The following PPP3CA variants were observed in gnomAD, a reference collection of about 807,000 sequenced individuals.
The protein encoded by PPP3CA is protein phosphatase 3 catalytic subunit alpha, also known as CAM-PRP catalytic subunit.
Under a neutral mutation model 66.5 loss-of-function variants are expected in PPP3CA, and 14 were observed. The observed-to-expected ratio is 0.21, with a 90% confidence interval of 0.14 to 0.33. PPP3CA has a LOEUF of 0.33. PPP3CA is among the 10% of genes least tolerant of loss of function. The pLI is 1.00. For missense variants in PPP3CA, 317 were observed against 639.5 expected, an observed-to-expected ratio of 0.50 and a Z score of 5.44; for synonymous variants, 232 against 226.2, an observed-to-expected ratio of 1.03 and a Z score of -0.23.
At chr4:101,173,639 C>T (rs79739132) in intron 2 of PPP3CA, among the ~76,000 whole-genome samples, 4,179 of 152,096 alleles carry the variant, frequency 0.027, 205 homozygotes, top group African/African-American at 0.095. Context: ...AACAGTTTAG[C>T]AAAGATGTCT....
chr4:101,321,041 C>T (rs1006486111), intron 1 of PPP3CA, among the ~76,000 whole-genome samples: 8 of 152,192 alleles, frequency 5.3e-5, no homozygotes, highest in African/African-American at 1.9e-4. Context: ...AAAGTCAAAT[C>T]TAACCCTTGC....
chr4:101,175,613 G>A (rs1468651790), intron 2 of PPP3CA, among the ~76,000 whole-genome samples: 5 of 152,148 alleles, frequency 3.3e-5, no homozygotes, highest in Admixed American at 1.3e-4. Flanking sequence ...AGCTATCTAC[G>A]ATACATGCAT....
At chr4:101,089,983 AAC>A (rs1456055948) in intron 6 of PPP3CA, among the ~76,000 whole-genome samples, 3 of 152,216 alleles carry the variant, frequency 2.0e-5, no homozygotes, top group Admixed American at 1.3e-4. Flanking sequence ...TAGCAAAGTA[AAC>A]ACACAAACTA....
intron 8 of PPP3CA, among the ~76,000 whole-genome samples, chr4:101,075,468 T>C (rs1729145650): frequency 6.6e-6 from 1 of 152,206 alleles, no homozygotes; most frequent in East Asian, 1.9e-4. Flanking sequence ...TCTCTACATA[T>C]GTATCTAACT....
At chr4:101,064,503 A>G (rs1204082777) in intron 8 of PPP3CA, among the ~76,000 whole-genome samples, 2 of 151,984 alleles carry the variant, frequency 1.3e-5, no homozygotes, top group Non-Finnish European at 2.9e-5. Flanking sequence ...ATTTTATATG[A>G]TATCATATGA....
chr4:101,162,933 T>G (rs1723567254), intron 2 of PPP3CA, among the ~76,000 whole-genome samples: 1 of 152,178 alleles, frequency 6.6e-6, no homozygotes, highest in African/African-American at 2.4e-5. Flanking sequence ...AAGCACTATG[T>G]TTCCCAGACT....
At chr4:101,123,484 T>C (rs1411424843) in intron 2 of PPP3CA, among the ~76,000 whole-genome samples, 1 of 152,084 alleles carries the variant, frequency 6.6e-6, no homozygotes, top group Non-Finnish European at 1.5e-5. Context: ...AAGTGAAAGA[T>C]CTATAAACTT....
intron 2 of PPP3CA, among the ~76,000 whole-genome samples, chr4:101,134,759 A>G (rs898813703): frequency 2.0e-5 from 3 of 152,228 alleles, no homozygotes; most frequent in South Asian, 4.1e-4. Context: ...AAATCATTCT[A>G]CTATAAAGAC....
At chr4:101,192,708 T>A (rs1376940680) in intron 2 of PPP3CA, among the ~76,000 whole-genome samples, 5 of 152,218 alleles carry the variant, frequency 3.3e-5, no homozygotes, top group African/African-American at 1.2e-4. Flanking sequence ...TATCATGTAA[T>A]CTGTCAATAC....
At chr4:101,148,575 T>C (rs1723039945) in intron 2 of PPP3CA, among the ~76,000 whole-genome samples, 1 of 152,188 alleles carries the variant, frequency 6.6e-6, no homozygotes, top group South Asian at 2.1e-4. Context: ...GAATAATTAA[T>C]TTACTTTTGT....
chr4:101,028,037 T>G (rs1266712263), intron 13 of PPP3CA, among the ~76,000 whole-genome samples: 4 of 152,182 alleles, frequency 2.6e-5, no homozygotes, highest in Non-Finnish European at 5.9e-5. Flanking sequence ...AATAGCAGTT[T>G]ATTCACTGCT....
chr4:101,254,051 A>C (rs1726759717), intron 1 of PPP3CA, among the ~76,000 whole-genome samples: 1 of 152,048 alleles, frequency 6.6e-6, no homozygotes. Flanking sequence ...ATGTCAGGTA[A>C]AATCAAAAGC....
intron 2 of PPP3CA, among the ~76,000 whole-genome samples, chr4:101,138,822 T>G (rs1019366547): frequency 2.0e-5 from 3 of 152,188 alleles, no homozygotes; most frequent in African/African-American, 7.2e-5. Context: ...AGATGTAAAC[T>G]TATGACTATG....
At position 101,244,069 on chromosome 4, in the gene PPP3CA, A is replaced by G. The variant is rs114163707; in HGVS notation, c.59-47953T>C. On this transcript the variant is annotated intron_variant, in intron 1 of 13. Transcript: ENST00000394854. ...AAGTGAAGAGTATATTGACTTGCCT[A>G]TGCCAAAGGAAAGATCATATCTTCC... 7.3e-3 allele frequency among the ~76,000 whole-genome samples: 1,112 copies of G among 152,340 alleles called. 11 individuals are homozygous for G. The highest frequency in any genetic ancestry group is 0.026 in the African/African-American group (1,063 of 41,580).
intron 1 of PPP3CA, among the ~76,000 whole-genome samples, chr4:101,231,187 G>A (rs1475092589): frequency 1.3e-5 from 2 of 151,560 alleles, no homozygotes; most frequent in Non-Finnish European, 3.0e-5. Context: ...TGATGCACTG[G>A]CCAGGGCTTA....
chr4:101,173,389 C>T (rs1448395029), intron 2 of PPP3CA, among the ~76,000 whole-genome samples: 1 of 151,924 alleles, frequency 6.6e-6, no homozygotes, highest in African/African-American at 2.4e-5. Context: ...AAAAAAGATC[C>T]AAACTTTAGA....
intron 10 of PPP3CA, among the ~76,000 whole-genome samples, chr4:101,055,592 C>A (rs1260965621): frequency 6.6e-6 from 1 of 152,084 alleles, no homozygotes; most frequent in African/African-American, 2.4e-5. Context: ...TTTTTCCAGA[C>A]AGCCTATCAA....
intron 10 of PPP3CA, among the ~76,000 whole-genome samples, chr4:101,049,532 G>C (rs931549607): frequency 2.0e-5 from 3 of 152,016 alleles, no homozygotes; most frequent in African/African-American, 4.8e-5. Context: ...AAGGGAAGCA[G>C]TCATAATGCC....
intron 8 of PPP3CA, among the ~76,000 whole-genome samples, chr4:101,074,120 A>G (rs1343529854): frequency 2.0e-5 from 3 of 152,330 alleles, no homozygotes; most frequent in African/African-American, 7.2e-5. Flanking sequence ...GTCAATACTA[A>G]AAGTTATGTC....
Sources: gnomAD v4.1 joint callset for allele counts (sites outside exome capture counted in the v4.1 genomes callset) on GRCh38, gnomAD v4.1.1 for gene constraint, MANE v1.5 for transcripts, NCBI Gene and HGNC (gene_info 2026-07-23, HGNC 2026-07-21) for gene names.